The following SIRT5 variants were observed in gnomAD, a reference collection of about 807,000 sequenced individuals.
SIRT5 encodes NAD-dependent protein deacylase sirtuin-5, mitochondrial.
Under a neutral mutation model 40.0 loss-of-function variants are expected in SIRT5, and 26 were observed. The ratio of observed to expected loss-of-function variants is 0.65; its 90% CI spans 0.48 to 0.90. The LOEUF (loss-of-function observed/expected upper bound fraction) is 0.90, where lower values mean the gene tolerates loss of function less well. Among genes scored for constraint, SIRT5 ranks in the 40% least tolerant of loss-of-function variants. SIRT5 has a pLI of 0.00. For missense variants in SIRT5, 401 were observed against 402.4 expected (o/e 1.00, Z 0.03); for synonymous variants, 146 against 149.1 (o/e 0.98, Z 0.15).
At chr6:13,603,531 C>A (rs1216318213) in intron 9 of SIRT5, among the ~76,000 whole-genome samples, 1 of 152,116 alleles carries the variant, frequency 6.6e-6, no homozygotes, top group Non-Finnish European at 1.5e-5. Flanking sequence ...CACTTCACAG[C>A]CACAAGCGTG....
chr6:13,594,507 C>T (rs1391847101), intron 5 of SIRT5, among the ~76,000 whole-genome samples: 3 of 152,190 alleles, frequency 2.0e-5, no homozygotes, highest in Admixed American at 6.5e-5. Context: ...AGAGTGCCTC[C>T]GACGGCTCCA....
At chr6:13,586,086 GGTTGTGTGTGT>G (rs1760045293) in intron 3 of SIRT5, among the ~76,000 whole-genome samples, 1 of 152,118 alleles carries the variant, frequency 6.6e-6, no homozygotes, top group Non-Finnish European at 1.5e-5. Context: ...TTTTTGATGG[GGTTGTGTGTGT>G]TTTTCTTGTA....
At chr6:13,599,255 T>C (rs1261945546) in intron 8 of SIRT5, 100 bp downstream of exon 8, 26 of 1,271,404 alleles carry the variant, frequency 2.0e-5, no homozygotes, top group Non-Finnish European at 2.8e-5. Flanking sequence ...GCTTCTTTCC[T>C]TCCCGCCTTC....
intron 2 of SIRT5, among the ~76,000 whole-genome samples, chr6:13,581,211 T>C (rs1469231275): frequency 6.6e-6 from 1 of 152,220 alleles, no homozygotes; most frequent in Admixed American, 6.5e-5. Flanking sequence ...AATGTCCCTT[T>C]TCAGGTCTTG....
At position 13,599,157 on chromosome 6, in the gene SIRT5, T is replaced by C; in HGVS notation, c.741+2T>C. ...GCCCACTGTGATTTATGTCTAGTGG[T>C]GGGTCATGCCCTTCCCTAACCCCAG... On this transcript the variant is annotated splice_donor_variant, in intron 8 of 9. Coordinates refer to ENST00000606117, the MANE Select transcript of SIRT5 (RefSeq NM_012241.5). LOFTEE classifies it high-confidence loss of function. The C allele has an allele frequency of 6.2e-7, 1 of 1,613,558 alleles. No homozygotes were observed. Among genetic ancestry groups the C allele is most frequent in the Non-Finnish European group, 8.5e-7 (1 of 1,179,714 alleles).
chr6:13,596,044 A>G (rs1258163022), intron 6 of SIRT5, among the ~76,000 whole-genome samples: 1 of 152,162 alleles, frequency 6.6e-6, no homozygotes, highest in African/African-American at 2.4e-5. Flanking sequence ...GATAAAAGAA[A>G]TATTTTGCTC....
At chr6:13,610,679 C>G (rs1763716094) in intron 9 of SIRT5, among the ~76,000 whole-genome samples, 1 of 152,194 alleles carries the variant, frequency 6.6e-6, no homozygotes, top group Non-Finnish European at 1.5e-5. Flanking sequence ...TCCCTAAACG[C>G]TCCCCATGGC....
In SIRT5 at chr6:13,615,113, C is replaced by G; in HGVS notation, c.*3248C>G. On this transcript the variant is annotated 3_prime_UTR_variant, in exon 10 of 10. Transcript: ENST00000606117. Reference sequence around the variant, plus strand: ...GCTCTTCCCTGCCTTGAAATCAACCCCATTGCCAGCCGCTTTCGCCGGCAG... The same window carrying G: ...GCTCTTCCCTGCCTTGAAATCAACCGCATTGCCAGCCGCTTTCGCCGGCAG... 2.1e-6 allele frequency: 1 copy of G among 484,598 alleles called. No individual in the cohort carries two copies. Among genetic ancestry groups the G allele is most frequent in the South Asian group, 3.7e-5 (1 of 26,856 alleles). 30.0% of individuals were successfully genotyped at this position (484,598 alleles called of 1,614,324 possible). A position where few individuals can be genotyped will look rare whatever the true frequency, so the allele number is the denominator to read the frequency against.
chr6:13,583,442 G>A (rs1376947728), intron 2 of SIRT5, among the ~76,000 whole-genome samples: 1 of 151,768 alleles, frequency 6.6e-6, no homozygotes, highest in Non-Finnish European at 1.5e-5. Flanking sequence ...TTACAGGCAT[G>A]CACCACCACT....
intron 9 of SIRT5, chr6:13,604,707 G>GATTTTTTTTTTTTTTTTTT: frequency 7.3e-7 from 1 of 1,371,164 alleles, no homozygotes; most frequent in Non-Finnish European, 9.4e-7. Context: ...GAACTTGGTG[G>GATTTTTTTTTTTTTTTTTT]TTTTTCCTGC....
At chr6:13,581,416 A>G (rs1270461309) in intron 2 of SIRT5, among the ~76,000 whole-genome samples, 5 of 152,234 alleles carry the variant, frequency 3.3e-5, no homozygotes, top group African/African-American at 1.2e-4. Flanking sequence ...CATGAATGCC[A>G]CACAAGTGAT....
chr6:13,592,563 T>C (rs1466425945), intron 5 of SIRT5, among the ~76,000 whole-genome samples: 2 of 151,838 alleles, frequency 1.3e-5, no homozygotes, highest in Non-Finnish European at 2.9e-5. Flanking sequence ...GTGATGTCGG[T>C]GGACCCCACT....
chr6:13,600,399 C>CCCT (rs1436843806), intron 8 of SIRT5, among the ~76,000 whole-genome samples: 1 of 152,128 alleles, frequency 6.6e-6, no homozygotes, highest in Admixed American at 6.5e-5. Context: ...CCTAAGAGGA[C>CCCT]ATACATGAAA....
At chr6:13,582,095 A>G (rs780844117) in intron 2 of SIRT5, among the ~76,000 whole-genome samples, 12 of 152,202 alleles carry the variant, frequency 7.9e-5, no homozygotes, top group Non-Finnish European at 1.6e-4. Flanking sequence ...GCAGTTCTTC[A>G]TGGCGTGTTC....
chr6:13,580,665 C>T (rs1162515060), intron 2 of SIRT5, among the ~76,000 whole-genome samples: 3 of 152,108 alleles, frequency 2.0e-5, no homozygotes, highest in Admixed American at 1.3e-4. Flanking sequence ...CACTCTCGCT[C>T]CTGCTCTGGC....
chr6:13,576,532 T>C (rs1421550649), intron 1 of SIRT5, among the ~76,000 whole-genome samples: 1 of 152,220 alleles, frequency 6.6e-6, no homozygotes, highest in African/African-American at 2.4e-5. Context: ...TTGAGTTTTT[T>C]GAGTTTCTTA....
intron 4 of SIRT5, 23 bp downstream of exon 4, chr6:13,588,487 TA>T (rs34942769): frequency 0.05 from 79,903 of 1,607,314 alleles, 2,332 homozygotes; most frequent in Non-Finnish European, 0.059. Context: ...TCCAGAACAT[TA>T]AAAGCCTCTG....
At chr6:13,600,798 TG>T in intron 8 of SIRT5, 35 bp from the exon 9 acceptor site, 1 of 1,479,174 alleles carries the variant, frequency 6.8e-7, no homozygotes, top group Non-Finnish European at 9.4e-7. Context: ...CCTTGTCGTC[TG>T]GCTGTTTGTT....
chr6:13,596,341 T>C (rs1761566662), intron 6 of SIRT5, among the ~76,000 whole-genome samples: 1 of 152,140 alleles, frequency 6.6e-6, no homozygotes, highest in South Asian at 2.1e-4. Context: ...CAGTATAAAT[T>C]GTATAAGGAC....
Sources: gnomAD v4.1 joint callset for allele counts (sites outside exome capture counted in the v4.1 genomes callset) on GRCh38, gnomAD v4.1.1 for gene constraint, MANE v1.5 for transcripts, NCBI Gene and HGNC (gene_info 2026-07-23, HGNC 2026-07-21) for gene names.